DOK5: variants seen among roughly 807,000 people sequenced by gnomAD.
DOK5 encodes downstream of tyrosine kinase 5.
A neutral mutation model predicts 43.3 loss-of-function variants in DOK5; 27 were observed. The ratio of observed to expected loss-of-function variants is 0.62; its 90% CI spans 0.46 to 0.86. The LOEUF is 0.86. Ranked by LOEUF, DOK5 falls within the 40% of genes least tolerant of loss-of-function variation. The pLI is 0.00. For missense variants in DOK5, 373 were observed against 392.9 expected, an observed-to-expected ratio of 0.95 and a Z score of 0.43; for synonymous variants, 146 against 140.1, an observed-to-expected ratio of 1.04 and a Z score of -0.30.
chr20:54,522,711 C>T (rs1299616421), intron 1 of DOK5, among the ~76,000 whole-genome samples: 2 of 151,868 alleles, frequency 1.3e-5, no homozygotes, highest in African/African-American at 4.8e-5. Flanking sequence ...GACAGGGTTT[C>T]ACCATGTCGG....
At chr20:54,580,523 T>C (rs1370944591) in intron 2 of DOK5, among the ~76,000 whole-genome samples, 4 of 152,056 alleles carry the variant, frequency 2.6e-5, no homozygotes, top group Non-Finnish European at 5.9e-5. Context: ...ATCTTTTAGG[T>C]CTGTGGGGTT....
At chr20:54,496,810 C>A (rs937600029) in intron 1 of DOK5, among the ~76,000 whole-genome samples, 1 of 148,860 alleles carries the variant, frequency 6.7e-6, no homozygotes, top group Non-Finnish European at 1.5e-5. Flanking sequence ...CAGCATAAAT[C>A]GACATTTAGA....
chr20:54,645,076 C>T (rs1272043578), intron 7 of DOK5, among the ~76,000 whole-genome samples: 2 of 135,776 alleles, frequency 1.5e-5, no homozygotes, highest in East Asian at 4.9e-4. Flanking sequence ...GGCGCGATCT[C>T]GGCTCACTGC....
chr20:54,541,213 C>A (rs1209630208), intron 1 of DOK5, among the ~76,000 whole-genome samples: 1 of 152,132 alleles, frequency 6.6e-6, no homozygotes, highest in African/African-American at 2.4e-5. Context: ...CACAATATGT[C>A]CAGATTCTTA....
chr20:54,649,984 C>T (rs1246339870), intron 7 of DOK5, among the ~76,000 whole-genome samples: 1 of 152,148 alleles, frequency 6.6e-6, no homozygotes, highest in Non-Finnish European at 1.5e-5. Context: ...AAATCTAAAC[C>T]TGAAATAATA....
At chr20:54,595,338 T>TA (rs571215516) in intron 5 of DOK5, among the ~76,000 whole-genome samples, 18 of 147,332 alleles carry the variant, frequency 1.2e-4, no homozygotes, top group Middle Eastern at 3.5e-3. Flanking sequence ...AGACTCCATT[T>TA]AAAAAAAAAA....
chr20:54,556,953 T>C (rs1984727092), intron 2 of DOK5, among the ~76,000 whole-genome samples: 1 of 152,186 alleles, frequency 6.6e-6, no homozygotes, highest in Non-Finnish European at 1.5e-5. Flanking sequence ...GACCTATACA[T>C]ACCTAAGAGA....
Position 54,476,021 on chromosome 20 carries a change from C to A in DOK5, c.66+9C>A. ...GGAGCAGACGCCTCGGGGTGAGTAT[C>A]GATCCTCTCCGTGTTGCTGTTCGCC... On this transcript the variant is annotated intron_variant, in intron 1 of 7. Transcript: ENST00000262593. The A allele has an allele frequency of 1.9e-6, 3 of 1,612,948 alleles. No homozygotes were observed. Among genetic ancestry groups the A allele is most frequent in the Non-Finnish European group, 2.5e-6 (3 of 1,179,828 alleles).
At chr20:54,573,686 CAAAAAA>C (rs1321685949) in intron 2 of DOK5, among the ~76,000 whole-genome samples, 7 of 50,966 alleles carry the variant, frequency 1.4e-4, no homozygotes, top group African/African-American at 4.5e-4. Context: ...GACTCCATCT[CAAAAAA>C]AAAAAAAAAA....
At chr20:54,551,373 A>G (rs1984524152) in intron 1 of DOK5, among the ~76,000 whole-genome samples, 1 of 152,076 alleles carries the variant, frequency 6.6e-6, no homozygotes, top group Non-Finnish European at 1.5e-5. Context: ...CTCTTCACAG[A>G]GTTTTTCACA....
At chr20:54,648,369 G>A (rs1600768485) in intron 7 of DOK5, among the ~76,000 whole-genome samples, 1 of 152,258 alleles carries the variant, frequency 6.6e-6, no homozygotes, top group South Asian at 2.1e-4. Flanking sequence ...TTCAGATTTG[G>A]TATATGGAAC....
chr20:54,532,724 C>T (rs1983821089), intron 1 of DOK5, among the ~76,000 whole-genome samples: 1 of 152,132 alleles, frequency 6.6e-6, no homozygotes, highest in African/African-American at 2.4e-5. Context: ...CTATGTCTGC[C>T]TGCTGGCAGT....
chr20:54,593,204 GC>G (rs1986035412), intron 5 of DOK5, among the ~76,000 whole-genome samples: 1 of 151,640 alleles, frequency 6.6e-6, no homozygotes, highest in African/African-American at 2.4e-5. Flanking sequence ...CTTGCAGTGG[GC>G]TGAGATCACC....
chr20:54,555,378 A>G (rs1984676338), intron 2 of DOK5: 1 of 170,268 alleles, frequency 5.9e-6, no homozygotes, highest in African/African-American at 2.4e-5. Context: ...GCAGAAAGAC[A>G]CTCATTCAAT....
chr20:54,530,817 CT>C (rs1983745706), intron 1 of DOK5, among the ~76,000 whole-genome samples: 1 of 152,126 alleles, frequency 6.6e-6, no homozygotes, highest in South Asian at 2.1e-4. Flanking sequence ...CCTTTCACCC[CT>C]GCAATACCCT....
chr20:54,537,567 GC>G (rs1480640605), intron 1 of DOK5, among the ~76,000 whole-genome samples: 1 of 152,182 alleles, frequency 6.6e-6, no homozygotes, highest in Non-Finnish European at 1.5e-5. Flanking sequence ...AATTGGATGG[GC>G]TCAACATCAG....
rs199994464 is a variant in DOK5, at chr20:54,554,966, G to A, written c.100G>A (p.Ala34Thr). ...GCGATGCTGGTTAGTATTCAAGAAAGCTTCAAGCAAAGGTCCAAAAAGACT... is the reference window on the plus strand; with the variant it reads ...GCGATGCTGGTTAGTATTCAAGAAAACTTCAAGCAAAGGTCCAAAAAGACT... ...YQRCWLVFKK[A>T]SSKGPKRLEK... The change falls in exon 2 of 8, where the codon GCT (alanine) becomes ACT (threonine). Residue 34 changes from alanine (A) to threonine (T), a missense_variant. Physicochemically the swap from Ala to Thr is moderately conservative, Grantham distance 58. Coordinates refer to ENST00000262593, the MANE Select transcript of DOK5 (RefSeq NM_018431.5). The A allele has an allele frequency of 2.0e-4, 323 of 1,613,826 alleles. No homozygotes were observed. The highest frequency in any genetic ancestry group is 5.2e-4 in the South Asian group (47 of 91,068).
At chr20:54,647,563 A>C (rs1600767849) in intron 7 of DOK5, among the ~76,000 whole-genome samples, 1 of 152,158 alleles carries the variant, frequency 6.6e-6, no homozygotes, top group South Asian at 2.1e-4. Flanking sequence ...GCAATCAACA[A>C]GTTTATGTTG....
chr20:54,489,616 A>G (rs1302560833), intron 1 of DOK5, among the ~76,000 whole-genome samples: 2 of 151,612 alleles, frequency 1.3e-5, no homozygotes, highest in South Asian at 2.1e-4. Context: ...AAATATGTGC[A>G]TAAAGTAGGT....
Sources: gnomAD v4.1 joint callset for allele counts (sites outside exome capture counted in the v4.1 genomes callset) on GRCh38, gnomAD v4.1.1 for gene constraint, MANE v1.5 for transcripts, NCBI Gene and HGNC (gene_info 2026-07-23, HGNC 2026-07-21) for gene names.